The following MARCHF6 variants were observed in gnomAD, a reference collection of about 807,000 sequenced individuals.
The protein encoded by MARCHF6 is E3 ubiquitin-protein ligase MARCHF6.
Under a neutral mutation model 133.7 loss-of-function variants are expected in MARCHF6, and 31 were observed. That is an observed-to-expected ratio of 0.23 (90% confidence interval 0.17 to 0.31). The LOEUF is 0.31. MARCHF6 is among the 10% of genes least tolerant of loss of function. The pLI is 1.00. For missense variants in MARCHF6, 723 were observed against 1,121.6 expected, an observed-to-expected ratio of 0.64 and a Z score of 5.08; for synonymous variants, 395 against 402.5, an observed-to-expected ratio of 0.98 and a Z score of 0.22.
At chr5:10,387,388 C>T (rs775089727) in intron 5 of MARCHF6, among the ~76,000 whole-genome samples, 9 of 151,420 alleles carry the variant, frequency 5.9e-5, no homozygotes, top group Non-Finnish European at 1.2e-4. Context: ...CTGCAACCTC[C>T]GCCTCCTGAG....
intron 23 of MARCHF6, among the ~76,000 whole-genome samples, chr5:10,425,796 C>G (rs745966496): frequency 2.6e-5 from 4 of 152,180 alleles, no homozygotes; most frequent in African/African-American, 9.7e-5. Context: ...TCCATTCTTT[C>G]CTCTGCATTA....
chr5:10,379,620 C>A (rs534640495), intron 3 of MARCHF6, among the ~76,000 whole-genome samples: 2 of 152,244 alleles, frequency 1.3e-5, no homozygotes, highest in African/African-American at 4.8e-5. Context: ...ACCACCACAC[C>A]TGGCTAATTT....
intron 1 of MARCHF6, among the ~76,000 whole-genome samples, chr5:10,366,951 C>T (rs905832952): frequency 1.3e-5 from 2 of 152,140 alleles, no homozygotes; most frequent in African/African-American, 4.8e-5. Flanking sequence ...CTCAGTCTTT[C>T]GGCCTCCAAC....
intron 7 of MARCHF6, among the ~76,000 whole-genome samples, chr5:10,392,372 CTCTT>C (rs1173007983): frequency 6.6e-6 from 1 of 152,188 alleles, no homozygotes; most frequent in Admixed American, 6.5e-5. Context: ...ATTTGCTTCT[CTCTT>C]TCCATGTCCC....
At chr5:10,383,996 C>T (rs1450644130) in intron 4 of MARCHF6, among the ~76,000 whole-genome samples, 3 of 152,146 alleles carry the variant, frequency 2.0e-5, no homozygotes, top group Non-Finnish European at 2.9e-5. Context: ...CAGAACTGGA[C>T]TCAAAACTAC....
At chr5:10,381,132 T>C (rs1392186650) in intron 3 of MARCHF6, among the ~76,000 whole-genome samples, 2 of 152,228 alleles carry the variant, frequency 1.3e-5, no homozygotes, top group African/African-American at 4.8e-5. Context: ...GTAGAGGTTT[T>C]TGATAATAGG....
intron 10 of MARCHF6, among the ~76,000 whole-genome samples, chr5:10,397,939 G>A (rs1458572579): frequency 6.6e-6 from 1 of 152,224 alleles, no homozygotes; most frequent in African/African-American, 2.4e-5. Flanking sequence ...GCAAGGTTGA[G>A]GAGACACTGT....
chr5:10,426,632 G>A, intron 24 of MARCHF6, 110 bp downstream of exon 24: 1 of 1,188,348 alleles, frequency 8.4e-7, no homozygotes, highest in South Asian at 1.5e-5. Flanking sequence ...ATTTGTAAAT[G>A]TGAATCCAGC....
chr5:10,421,865 A>T (rs920060012), intron 22 of MARCHF6: 1 of 152,274 alleles, frequency 6.6e-6, no homozygotes, highest in Non-Finnish European at 1.5e-5. Context: ...CCTTTAGGAT[A>T]TTCTCAGCCA....
chr5:10,365,215 C>T (rs1736068831), intron 1 of MARCHF6, among the ~76,000 whole-genome samples: 1 of 152,148 alleles, frequency 6.6e-6, no homozygotes, highest in African/African-American at 2.4e-5. Context: ...AGCAACAGTA[C>T]AGGTGAATTT....
Position 10,403,308 on chromosome 5 carries a change from T to G in MARCHF6, c.1198-99T>G, listed in dbSNP as rs1738659807. Reference sequence around the variant, plus strand: ...GAACTGCAGTTCTAGGAATTGTTCCTTGCATGCATATTGATTATTTATTTC... The same window carrying G: ...GAACTGCAGTTCTAGGAATTGTTCCGTGCATGCATATTGATTATTTATTTC... On this transcript the variant is annotated intron_variant, in intron 14 of 25. Transcript: ENST00000274140. The G allele has an allele frequency of 3.4e-6, 4 of 1,172,506 alleles. No homozygotes were observed. The South Asian group carries it at 6.0e-5, about 17-fold the overall frequency. 72.6% of individuals were successfully genotyped at this position (1,172,506 alleles called of 1,614,324 possible).
rs955425291 is a variant in MARCHF6 at position 10,426,659 on chromosome 5, A to G, written c.2506+137A>G. 1.2e-5 allele frequency: 11 copies of G among 944,680 alleles called. No individual in the cohort carries two copies. In the Middle Eastern group the frequency reaches 6.9e-4, roughly 60 times the overall value. 58.5% of individuals were successfully genotyped at this position (944,680 alleles called of 1,614,324 possible). On this transcript the variant is annotated intron_variant, in intron 24 of 25. Transcript: ENST00000274140. Reference sequence around the variant, plus strand: ...GAATCCAGCTAAGACAATGATTTCAAAATACCACTTTTCTTAGATTTGACT... The same window carrying G: ...GAATCCAGCTAAGACAATGATTTCAGAATACCACTTTTCTTAGATTTGACT...
At chr5:10,417,946 C>G (rs1739612285) in intron 22 of MARCHF6, among the ~76,000 whole-genome samples, 1 of 151,990 alleles carries the variant, frequency 6.6e-6, no homozygotes, top group South Asian at 2.1e-4. Flanking sequence ...TTCTCTAATA[C>G]TTGAAAATAC....
At chr5:10,416,467 A>C (rs890431773) in intron 21 of MARCHF6, among the ~76,000 whole-genome samples, 6 of 152,250 alleles carry the variant, frequency 3.9e-5, no homozygotes, top group African/African-American at 1.4e-4. Context: ...CCATAAGATA[A>C]TGAGACAACC....
rs945912038 is a variant in MARCHF6, at chr5:10,422,717, A to G, written c.2284-1018A>G. Among the ~76,000 whole-genome samples, 5 of 152,178 alleles carry G rather than the reference A, an allele frequency of 3.3e-5. 1 individual carries two copies. Among genetic ancestry groups the G allele is most frequent in the African/African-American group, 1.2e-4 (5 of 41,414 alleles). ...CTTAGAATAACCAATCAAACCAGTAAAGAAATGGGAACATTGGCCTCAAGA... is the reference window on the plus strand; with the variant it reads ...CTTAGAATAACCAATCAAACCAGTAGAGAAATGGGAACATTGGCCTCAAGA... On this transcript the variant is annotated intron_variant, in intron 22 of 25. Transcript: ENST00000274140.
intron 22 of MARCHF6, among the ~76,000 whole-genome samples, chr5:10,419,019 A>C (rs938927163): frequency 6.6e-6 from 1 of 152,214 alleles, no homozygotes; most frequent in Non-Finnish European, 1.5e-5. Context: ...CAGGAGGGAG[A>C]TGGGCAGACC....
chr5:10,353,882 C>A lies in MARCHF6; in HGVS notation c.-17C>A. ...CGGGAGCCTCGTGGCTGCGTCACCG[C>A]CGCCCCCCCAGACAAGATGGACACC... On this transcript the variant is annotated 5_prime_UTR_variant, in exon 1 of 26. Transcript: ENST00000274140. The A allele has an allele frequency of 6.4e-7, 1 of 1,562,062 alleles. No individual in the cohort carries two copies. Among genetic ancestry groups the A allele is most frequent in the East Asian group, 2.4e-5 (1 of 41,556 alleles).
At chr5:10,387,473 T>C (rs753448964) in intron 5 of MARCHF6, among the ~76,000 whole-genome samples, 6 of 151,942 alleles carry the variant, frequency 3.9e-5, no homozygotes, top group Non-Finnish European at 8.8e-5. Flanking sequence ...TGGCTAATTT[T>C]TGTATTTTTA....
intron 23 of MARCHF6, among the ~76,000 whole-genome samples, chr5:10,425,036 T>C (rs999034197): frequency 2.0e-5 from 3 of 152,174 alleles, no homozygotes; most frequent in African/African-American, 7.2e-5. Context: ...CTCTTATCCT[T>C]AGGCCAGTGC....
Sources: gnomAD v4.1 joint callset for allele counts (sites outside exome capture counted in the v4.1 genomes callset) on GRCh38, gnomAD v4.1.1 for gene constraint, MANE v1.5 for transcripts, NCBI Gene and HGNC (gene_info 2026-07-23, HGNC 2026-07-21) for gene names.